Variants in CHD5 observed in about 807,000 individuals in gnomAD.
CHD5 encodes ATP-dependent chromatin remodeler CHD5.
CHD5 carries 69 observed loss-of-function variants against 230.3 expected under a neutral mutation model. That is an observed-to-expected ratio of 0.30 (90% CI 0.25 to 0.37). The LOEUF (loss-of-function observed/expected upper bound fraction) is 0.37, where lower values mean the gene tolerates loss of function less well. Ranked by LOEUF, CHD5 falls within the 10% of genes least tolerant of loss-of-function variation. The probability of loss-of-function intolerance (pLI) is 1.00; values close to 1 mark genes in which losing one functional copy is unlikely to be tolerated. For synonymous variants in CHD5, 1,064 were observed against 1,065.9 expected (o/e 1.00, Z 0.03); for missense variants, 1,827 against 2,622.8 (o/e 0.70, Z 6.63).
Position 6,134,113 on chromosome 1 carries a change from G to GGGC in CHD5, c.3144+14_3144+15insGCC. 7.7e-7 allele frequency: 1 copy of GGGC among 1,304,282 alleles called. No homozygotes were observed. Among genetic ancestry groups the GGGC allele is most frequent in the Non-Finnish European group, 1.1e-6 (1 of 919,134 alleles). The allele number at this position is 1,304,282 out of a possible 1,614,324, so 80.8% of individuals were successfully genotyped here. A position where few individuals can be genotyped will look rare whatever the true frequency, so the allele number is the denominator to read the frequency against. ...GGGTGTGGAGCCGGGGCGGGGGTGG[G>GGGC]CAGGGGCAGCGCACCTGGGAGAAGA... On this transcript the variant is annotated intron_variant, in intron 20 of 41. Transcript: ENST00000262450. This position sits in a 1 kb window ranked among gnomAD's most constrained non-coding sequence, Gnocchi z 6.3.
At position 6,167,959 on chromosome 1, in the gene CHD5, G is replaced by A. The variant is rs570945990; in HGVS notation, c.207+191C>T. Among the ~76,000 whole-genome samples the A allele has an allele frequency of 1.3e-5, 2 of 152,282 alleles. No individual in the cohort carries two copies. Among genetic ancestry groups the A allele is most frequent in the South Asian group, 2.1e-4 (1 of 4,824 alleles). On this transcript the variant is annotated intron_variant, in intron 2 of 41. Coordinates refer to ENST00000262450, the MANE Select transcript of CHD5 (RefSeq NM_015557.3). This position sits in a 1 kb window ranked among gnomAD's most constrained non-coding sequence, Gnocchi z 4.5. ...CCTGCTCCGGAAACAGGACAGCTCAGCAACGTCTTAAAAAGGCTTCCGTGC... is the reference window on the plus strand; with the variant it reads ...CCTGCTCCGGAAACAGGACAGCTCAACAACGTCTTAAAAAGGCTTCCGTGC...
In CHD5 at chr1:6,128,724, G is replaced by A. The variant is rs1314791695; in HGVS notation, c.3619+114C>T. On this transcript the variant is annotated intron_variant, in intron 23 of 41. Transcript: ENST00000262450. This position sits in a 1 kb window ranked among gnomAD's most constrained non-coding sequence, Gnocchi z 7.8. The stretch of plus-strand genomic sequence containing the variant: ...CCTAGCCAGGAGATACAGGTGGGGG[G>A]TGCAGAAGAGAGGCTGTGTGTTGGA... 2 of 1,248,152 alleles carry A rather than the reference G, an allele frequency of 1.6e-6. No individual in the cohort carries two copies. Among genetic ancestry groups the A allele is most frequent in the Non-Finnish European group, 2.3e-6 (2 of 869,772 alleles). The allele number at this position is 1,248,152 out of a possible 1,614,324, so 77.3% of individuals were successfully genotyped here. A position where few individuals can be genotyped will look rare whatever the true frequency, so the allele number is the denominator to read the frequency against.
At chr1:6,177,308 G>A (rs1014330490) in intron 1 of CHD5, among the ~76,000 whole-genome samples, 14 of 152,230 alleles carry the variant, frequency 9.2e-5, no homozygotes, top group African/African-American at 2.9e-4. Flanking sequence ...GGGGCCAGCA[G>A]TGCGACTTGA....
chr1:6,120,980 G>T, intron 33 of CHD5, 125 bp downstream of exon 33: 1 of 1,171,640 alleles, frequency 8.5e-7, no homozygotes, highest in Non-Finnish European at 1.1e-6. Flanking sequence ...GGCCTGCAGA[G>T]GGTTGGAGTC....
chr1:6,124,669 G>GT lies in CHD5; in HGVS notation c.4395-9_4395-8insA. ...AAGAGGGACACATAGGCTCTGGGGT[G>GT]GGGGGGGGGGACTGGGGCTCAGGGA... is the stretch of plus-strand genomic sequence containing the variant. On this transcript the variant is annotated splice_polypyrimidine_tract_variant and intron_variant, in intron 29 of 41. Coordinates refer to ENST00000262450, the MANE Select transcript of CHD5 (RefSeq NM_015557.3). 4.5e-6 allele frequency: 3 copies of GT among 666,300 alleles called. No homozygotes were observed. The highest frequency in any genetic ancestry group is 2.0e-6 in the Non-Finnish European group (1 of 492,410). 41.3% of individuals were successfully genotyped at this position (666,300 alleles called of 1,614,324 possible).
At chr1:6,136,937 G>A in intron 15 of CHD5, 72 bp from the exon 16 acceptor site, 5 of 1,490,060 alleles carry the variant, frequency 3.4e-6, no homozygotes, top group Non-Finnish European at 4.5e-6. Context: ...GAGACAAAGA[G>A]CCAAGAAGGA....
At position 6,134,338 on chromosome 1, in the gene CHD5, C is replaced by T; in HGVS notation, c.3013-79G>A. The stretch of plus-strand genomic sequence containing the variant: ...TCTGCACCAAAGGGGCCGCAGGGAA[C>T]AGACAAGTGCTGAGCAATGGGGTGA... On this transcript the variant is annotated intron_variant, in intron 19 of 41. Transcript: ENST00000262450. This position sits in a 1 kb window ranked among gnomAD's most constrained non-coding sequence, Gnocchi z 6.3. The T allele has an allele frequency of 6.5e-7, 1 of 1,527,782 alleles. No homozygotes were observed. The highest frequency in any genetic ancestry group is 2.3e-5 in the East Asian group (1 of 44,296). The allele number at this position is 1,527,782 out of a possible 1,614,324, so 94.6% of individuals were successfully genotyped here.
At chr1:6,137,491 T>C (rs1437586624) in intron 15 of CHD5, among the ~76,000 whole-genome samples, 1 of 151,774 alleles carries the variant, frequency 6.6e-6, no homozygotes, top group Non-Finnish European at 1.5e-5. Context: ...TATCCCCCAC[T>C]CCCCCCAGGG....
chr1:6,179,907 C>A, intron 1 of CHD5, 38 bp downstream of exon 1: 11 of 1,182,896 alleles, frequency 9.3e-6, no homozygotes, highest in Non-Finnish European at 1.2e-5. Flanking sequence ...TCGGCGCCCC[C>A]GCCGCTCTGG....
At chr1:6,162,147 C>T (rs897952177) in intron 2 of CHD5, among the ~76,000 whole-genome samples, 2 of 152,002 alleles carry the variant, frequency 1.3e-5, no homozygotes, top group South Asian at 2.1e-4. Context: ...TTTGGGAGGC[C>T]GAGGCGGGCA....
intron 31 of CHD5, among the ~76,000 whole-genome samples, chr1:6,123,463 T>C (rs575003934): frequency 1.2e-3 from 179 of 151,744 alleles, no homozygotes; most frequent in Middle Eastern, 0.01. Flanking sequence ...TCTTGCTTTG[T>C]CCCCCCAGGC....
Position 6,124,060 on chromosome 1 carries a change from C to G in CHD5, c.4587G>C (p.Leu1529Phe). 1 of 1,613,178 alleles carries G rather than the reference C, an allele frequency of 6.2e-7. No individual in the cohort carries two copies. The highest frequency in any genetic ancestry group is 8.5e-7 in the Non-Finnish European group (1 of 1,179,712). ...HVNGKYSTPD[L>F]IPEGPEGKKS... ...TCTTCCCCTCGGGCCCCTCAGGGATCAAGTCTGGGGTGCTGTACTTCCCGT... is the reference window on the plus strand; with the variant it reads ...TCTTCCCCTCGGGCCCCTCAGGGATGAAGTCTGGGGTGCTGTACTTCCCGT... Residue 1529 changes from leucine (L) to phenylalanine (F), a missense_variant, in exon 31 of 42, where the codon TTG becomes TTC. By Grantham distance (22) the Leu-to-Phe change is conservative. Transcript: ENST00000262450.
At chr1:6,111,701 C>G in intron 36 of CHD5, 74 bp downstream of exon 36, 1 of 1,153,646 alleles carries the variant, frequency 8.7e-7, no homozygotes, top group South Asian at 1.3e-5. Flanking sequence ...TCCCCCGGAG[C>G]TCTCAGAGGG....
chr1:6,120,746 T>C (rs1032931987), intron 33 of CHD5, among the ~76,000 whole-genome samples: 3 of 151,906 alleles, frequency 2.0e-5, no homozygotes, highest in East Asian at 1.9e-4. Flanking sequence ...CTACTAAAAA[T>C]ACAAAAATTA....
chr1:6,130,771 C>T lies in CHD5; in HGVS notation c.3263-443G>A, dbSNP rs1429848361. On this transcript the variant is annotated intron_variant, in intron 21 of 41. Transcript: ENST00000262450. This position sits in a 1 kb window ranked among gnomAD's most constrained non-coding sequence, Gnocchi z 4.9. ...CAGCTCCGGGACCTGGGGTCCCACCCCACTGGGCAACCCTGTCACAGGATG... is the reference window on the plus strand; with the variant it reads ...CAGCTCCGGGACCTGGGGTCCCACCTCACTGGGCAACCCTGTCACAGGATG... Among the ~76,000 whole-genome samples, 2 of 152,210 alleles carry T rather than the reference C, an allele frequency of 1.3e-5. No individual in the cohort carries two copies. The highest frequency in any genetic ancestry group is 2.4e-5 in the African/African-American group (1 of 41,450).
rs1226874121 is a variant in CHD5 at position 6,148,892 on chromosome 1, C to T, written c.1345G>A (p.Glu449Lys). The change falls in exon 9 of 42, where the codon GAG becomes AAG. Residue 449 changes from glutamate (E) to lysine (K), a missense_variant. By Grantham distance (56) the Glu-to-Lys change is moderately conservative (BLOSUM62 1). Transcript: ENST00000262450. ...HLHCLNPPLP[E>K]IPNGEWLCPR... ...CAGAGCCATTCACCGTTTGGGATCT[C>T]GGGCAGCGGCGGGTTGAGGCAATGC... 1 of 1,584,432 alleles carries T rather than the reference C, an allele frequency of 6.3e-7. No individual in the cohort carries two copies. Among genetic ancestry groups the T allele is most frequent in the African/African-American group, 1.3e-5 (1 of 74,226 alleles).
intron 1 of CHD5, among the ~76,000 whole-genome samples, chr1:6,171,514 C>T (rs376777873): frequency 2.0e-5 from 3 of 151,774 alleles, no homozygotes; most frequent in Non-Finnish European, 4.4e-5. Context: ...ACTGCCCCCC[C>T]CAACACCTCA....
chr1:6,176,761 C>T (rs1210706014), intron 1 of CHD5, among the ~76,000 whole-genome samples: 1 of 152,210 alleles, frequency 6.6e-6, no homozygotes, highest in East Asian at 1.9e-4. Flanking sequence ...TGCTATGTCC[C>T]CATACTACAA....
At chr1:6,113,142 C>T (rs984446856) in intron 33 of CHD5, 144 bp from the exon 34 acceptor site, 4 of 658,114 alleles carry the variant, frequency 6.1e-6, no homozygotes, top group African/African-American at 3.6e-5. Flanking sequence ...GAGCTCTCCT[C>T]GGCCAGGTGC....
Sources: gnomAD v4.1 joint callset for allele counts (sites outside exome capture counted in the v4.1 genomes callset) on GRCh38, gnomAD v4.1.1 for gene constraint, Gnocchi (gnomAD v3.1) non-coding constraint, MANE v1.5 for transcripts, NCBI Gene and HGNC (gene_info 2026-07-23, HGNC 2026-07-21) for gene names.